TTBK2: variants seen among roughly 807,000 people sequenced by gnomAD.
TTBK2 encodes tau tubulin kinase 2.
Under a neutral mutation model 110.8 loss-of-function variants are expected in TTBK2, and 28 were observed. The observed-to-expected ratio is 0.25, with a 90% CI of 0.19 to 0.35. The LOEUF is 0.35. Among genes scored for constraint, TTBK2 ranks in the 10% least tolerant of loss-of-function variants. The probability of loss-of-function intolerance (pLI) is 1.00; values close to 1 mark genes in which losing one functional copy is unlikely to be tolerated. For missense variants in TTBK2, 1,369 were observed against 1,500.3 expected, an observed-to-expected ratio of 0.91 and a Z score of 1.45; for synonymous variants, 532 against 527.3, an observed-to-expected ratio of 1.01 and a Z score of -0.12.
intron 1 of TTBK2, among the ~76,000 whole-genome samples, chr15:42,902,523 G>A (rs1192073197): frequency 6.6e-6 from 1 of 151,124 alleles, no homozygotes; most frequent in African/African-American, 2.4e-5. Context: ...TCCGTCTTAT[G>A]TATATTAAAA....
At chr15:42,870,531 G>GGCT in intron 3 of TTBK2, among the ~76,000 whole-genome samples, 1 of 151,786 alleles carries the variant, frequency 6.6e-6, no homozygotes, top group East Asian at 1.9e-4. Flanking sequence ...ATTAGGGGTG[G>GGCT]GCTAATTCAT....
intron 10 of TTBK2, among the ~76,000 whole-genome samples, chr15:42,788,859 C>T (rs773784498): frequency 6.6e-5 from 10 of 152,056 alleles, no homozygotes; most frequent in Non-Finnish European, 1.5e-4. Context: ...ATATTTATTG[C>T]TGTGACTGAT....
intron 11 of TTBK2, among the ~76,000 whole-genome samples, chr15:42,779,690 CA>C (rs1322502765): frequency 6.6e-5 from 10 of 151,960 alleles, no homozygotes; most frequent in Non-Finnish European, 7.4e-5. Context: ...ATTAATAATC[CA>C]ATTCAAGGCT....
intron 1 of TTBK2, among the ~76,000 whole-genome samples, chr15:42,900,034 C>T (rs1269607502): frequency 1.3e-5 from 2 of 151,682 alleles, no homozygotes; most frequent in African/African-American, 4.8e-5. Flanking sequence ...ACTCTTGTTG[C>T]CCAGGCTGGA....
At chr15:42,899,311 T>C (rs1388991721) in intron 1 of TTBK2, among the ~76,000 whole-genome samples, 4 of 151,336 alleles carry the variant, frequency 2.6e-5, no homozygotes, top group African/African-American at 9.7e-5. Context: ...TTATAAAACA[T>C]TTAAACATAA....
At chr15:42,894,546 G>GT (rs1419997686) in intron 1 of TTBK2, among the ~76,000 whole-genome samples, 1 of 152,076 alleles carries the variant, frequency 6.6e-6, no homozygotes, top group Admixed American at 6.6e-5. Flanking sequence ...GAGCCCAGGA[G>GT]TTTGAGACCA....
intron 6 of TTBK2, among the ~76,000 whole-genome samples, chr15:42,825,978 C>T (rs1347570208): frequency 6.6e-6 from 1 of 151,950 alleles, no homozygotes; most frequent in Non-Finnish European, 1.5e-5. Context: ...TTTTGTTATT[C>T]TTCCTTAATT....
rs890728854 is a variant in TTBK2, at chr15:42,904,870, T to C, written c.-68+15568A>G. Among the ~76,000 whole-genome samples the C allele has an allele frequency of 4.0e-5, 6 of 151,850 alleles. No homozygotes were observed. The South Asian group carries it at 1.2e-3, about 32-fold the overall frequency. ...GCTCAAAATGAGACATCAAACTGTA[T>C]ATAATTTTTTTTTTTTTTTGACGCA... On this transcript the variant is annotated intron_variant, in intron 1 of 14. Transcript: ENST00000267890.
chr15:42,824,025 G>T (rs1448836060), intron 6 of TTBK2, among the ~76,000 whole-genome samples: 1 of 152,044 alleles, frequency 6.6e-6, no homozygotes, highest in Non-Finnish European at 1.5e-5. Flanking sequence ...GAGGTCACAT[G>T]GTGTGAAAGG....
chr15:42,793,748 T>C (rs985229446), intron 10 of TTBK2, among the ~76,000 whole-genome samples: 1 of 151,480 alleles, frequency 6.6e-6, no homozygotes, highest in Non-Finnish European at 1.5e-5. Flanking sequence ...CTTGGGAGGC[T>C]GAGGCAGGAA....
chr15:42,920,296 C>T (rs2031299765), intron 1 of TTBK2, 142 bp downstream of exon 1: 2 of 152,278 alleles, frequency 1.3e-5, no homozygotes, highest in Non-Finnish European at 2.9e-5. Flanking sequence ...CTGGCACGAG[C>T]CCCGGGCTTG....
chr15:42,755,966 C>T (rs1294267183), intron 13 of TTBK2, among the ~76,000 whole-genome samples: 1 of 152,086 alleles, frequency 6.6e-6, no homozygotes, highest in African/African-American at 2.4e-5. Context: ...GGGGCCGAGG[C>T]AGGCTGATCT....
At chr15:42,792,312 TATAATTATTGTGTAGCCATAA>T (rs1223751747) in intron 10 of TTBK2, among the ~76,000 whole-genome samples, 2 of 152,230 alleles carry the variant, frequency 1.3e-5, no homozygotes, top group African/African-American at 4.8e-5. Flanking sequence ...CATATATATG[TATAATTATTGTGTAGCCATAA>T]ATAATTCTTT....
intron 1 of TTBK2, among the ~76,000 whole-genome samples, chr15:42,883,323 G>C (rs1029213013): frequency 6.7e-6 from 1 of 149,662 alleles, no homozygotes; most frequent in Non-Finnish European, 1.5e-5. Flanking sequence ...GTTGCGGTGA[G>C]CCGAAATTGT....
chr15:42,748,057 C>T (rs2061819176), intron 14 of TTBK2, among the ~76,000 whole-genome samples: 1 of 152,176 alleles, frequency 6.6e-6, no homozygotes, highest in Non-Finnish European at 1.5e-5. Context: ...ATGTTCAGTT[C>T]CATGAACACT....
chr15:42,764,386 A>C (rs1889255763), intron 13 of TTBK2, among the ~76,000 whole-genome samples: 1 of 152,208 alleles, frequency 6.6e-6, no homozygotes, highest in Non-Finnish European at 1.5e-5. Flanking sequence ...ACCTGGAAAA[A>C]TGGGACACTC....
chr15:42,842,816 T>C (rs774683965), intron 3 of TTBK2, among the ~76,000 whole-genome samples: 4 of 151,792 alleles, frequency 2.6e-5, no homozygotes, highest in African/African-American at 4.8e-5. Flanking sequence ...ATAAAGGGGG[T>C]ATAAGCTAGC....
At chr15:42,802,140 C>T (rs776603377) in intron 9 of TTBK2, 2 of 1,422,684 alleles carry the variant, frequency 1.4e-6, no homozygotes, top group African/African-American at 1.4e-5. Flanking sequence ...TCTGCTTCTC[C>T]TCCTGGGTGC....
chr15:42,767,377 A>G (rs1330375298), intron 13 of TTBK2, among the ~76,000 whole-genome samples: 2 of 152,212 alleles, frequency 1.3e-5, no homozygotes, highest in Non-Finnish European at 2.9e-5. Flanking sequence ...CAAGACTAAT[A>G]AAAAAGAAAA....
Sources: gnomAD v4.1 joint callset for allele counts (sites outside exome capture counted in the v4.1 genomes callset) on GRCh38, gnomAD v4.1.1 for gene constraint, MANE v1.5 for transcripts, NCBI Gene and HGNC (gene_info 2026-07-23, HGNC 2026-07-21) for gene names.